The following DENND3 variants were observed in gnomAD, a reference collection of about 807,000 sequenced individuals.
The protein encoded by DENND3 is DENN domain containing 3, also known as DENN domain-containing protein 3.
Under a neutral mutation model 135.1 loss-of-function variants are expected in DENND3, and 88 were observed. The observed-to-expected ratio is 0.65, with a 90% CI of 0.55 to 0.78. The LOEUF (loss-of-function observed/expected upper bound fraction) is 0.78. DENND3 is among the 30% of genes least tolerant of loss of function. The probability of loss-of-function intolerance (pLI) is 0.00; values close to 1 mark genes in which losing one functional copy is unlikely to be tolerated. For synonymous variants in DENND3, 693 were observed against 712.3 expected (o/e 0.97, Z 0.43); for missense variants, 1,392 against 1,688.4 (o/e 0.82, Z 3.08).
Position 141,166,347 on chromosome 8 carries a change from C to A in DENND3, c.1711C>A (p.Leu571Ile). The A allele has an allele frequency of 3.1e-6, 5 of 1,613,402 alleles. No homozygotes were observed. Among genetic ancestry groups the A allele is most frequent in the Non-Finnish European group, 4.2e-6 (5 of 1,180,002 alleles). Reference protein sequence around the residue: ...MPELAPRNSSLRLTDTAGCRG... With the variant: ...MPELAPRNSSIRLTDTAGCRG... ...TGAGCTGGCACCCAGGAACTCCTCGCTCCGGCTGACGGACACCGCAGGCTG... is the reference window on the plus strand; with the variant it reads ...TGAGCTGGCACCCAGGAACTCCTCGATCCGGCTGACGGACACCGCAGGCTG... The change falls in exon 12 of 23, where the codon CTC (leucine) becomes ATC (isoleucine). Residue 571 changes from leucine (L) to isoleucine (I), a missense_variant. Physicochemically the swap from Leu to Ile is conservative, Grantham distance 5. Coordinates refer to ENST00000519811, the MANE Select transcript of DENND3 (RefSeq NM_001352890.3). The surrounding 1 kb of genome is among the most constrained non-coding windows in gnomAD (Gnocchi z 4.3).
At chr8:141,151,072 C>A (rs1366011956) in intron 6 of DENND3, 119 bp downstream of exon 6, 3 of 1,331,900 alleles carry the variant, frequency 2.3e-6, no homozygotes, top group Non-Finnish European at 1.9e-6. Context: ...CTGGTATACT[C>A]GAAATGTTTA....
intron 19 of DENND3, among the ~76,000 whole-genome samples, chr8:141,189,869 C>CGAGAGCTCT (rs1173120201): frequency 1.3e-5 from 2 of 152,198 alleles, no homozygotes; most frequent in Admixed American, 6.5e-5. Context: ...CCATGTCACC[C>CGAGAGCTCT]GAGAGCTCTG....
intron 1 of DENND3, among the ~76,000 whole-genome samples, chr8:141,133,798 A>G (rs1031797059): frequency 1.3e-5 from 2 of 152,012 alleles, no homozygotes; most frequent in Non-Finnish European, 2.9e-5. Flanking sequence ...CACAGGTGGG[A>G]GATCAGGCTT....
Position 141,174,298 on chromosome 8 carries a change from A to G in DENND3, c.2276-902A>G, listed in dbSNP as rs1388360985. Among the ~76,000 whole-genome samples the G allele has an allele frequency of 2.0e-5, 3 of 152,146 alleles. No individual in the cohort carries two copies. The highest frequency in any genetic ancestry group is 7.2e-5 in the African/African-American group (3 of 41,436). ...GAAAAGTGGCTCTGAGTGCCACGCAAAGCAGGCTGTGAGTGCGGGTGGCTC... is the reference window on the plus strand; with the variant it reads ...GAAAAGTGGCTCTGAGTGCCACGCAGAGCAGGCTGTGAGTGCGGGTGGCTC... On this transcript the variant is annotated intron_variant, in intron 13 of 22. Coordinates refer to ENST00000519811, the MANE Select transcript of DENND3 (RefSeq NM_001352890.3). The surrounding 1 kb of genome is among the most constrained non-coding windows in gnomAD (Gnocchi z 4.6).
Position 141,178,097 on chromosome 8 carries a change from AAC to A in DENND3, c.2738_2739del (p.Asn913SerfsTer27). 6.2e-7 allele frequency: 1 copy of A among 1,611,876 alleles called. No homozygotes were observed. The highest frequency in any genetic ancestry group is 8.5e-7 in the Non-Finnish European group (1 of 1,178,086). The stretch of plus-strand genomic sequence containing the variant: ...TCACTACGTCCAGCAGGCGCTGACC[AAC>A]GTCTTGCTGATGGACGCCGTCGTGG... ...DPHYVQQALT[N>X]VLLMDAVVGT... On this transcript the variant is annotated frameshift_variant, in exon 16 of 23. Transcript: ENST00000519811. LOFTEE classifies it high-confidence loss of function.
In DENND3 at chr8:141,166,182, T is replaced by C; in HGVS notation, c.1554-8T>C. 6.2e-7 allele frequency: 1 copy of C among 1,613,910 alleles called. No homozygotes were observed. Among genetic ancestry groups the C allele is most frequent in the Non-Finnish European group, 8.5e-7 (1 of 1,179,896 alleles). The stretch of plus-strand genomic sequence containing the variant: ...TATAAACTAACGCGTTGCTTTTTCG[T>C]ACCCCAGAATAAATGGAATGCTTCT... On this transcript the variant is annotated splice_region_variant and splice_polypyrimidine_tract_variant and intron_variant, in intron 11 of 22. Coordinates refer to ENST00000519811, the MANE Select transcript of DENND3 (RefSeq NM_001352890.3). The surrounding 1 kb of genome is among the most constrained non-coding windows in gnomAD (Gnocchi z 4.3).
intron 15 of DENND3, among the ~76,000 whole-genome samples, 174 bp downstream of exon 15, chr8:141,176,935 T>C (rs1822449141): frequency 6.6e-6 from 1 of 152,214 alleles, no homozygotes; most frequent in Non-Finnish European, 1.5e-5. Context: ...ATGTGGTCTG[T>C]GTGACCCAGC....
chr8:141,165,437 G>A (rs1408624802), intron 11 of DENND3, 148 bp downstream of exon 11: 1 of 577,300 alleles, frequency 1.7e-6, no homozygotes, highest in East Asian at 3.1e-5. Flanking sequence ...CAGCTAGGAA[G>A]CTCTTCTCTC....
chr8:141,164,163 C>T (rs1820481015), intron 10 of DENND3, among the ~76,000 whole-genome samples: 1 of 152,198 alleles, frequency 6.6e-6, no homozygotes. Context: ...GTCTGCCTCT[C>T]TCCCTCAGCC....
rs972369442 is a variant in DENND3 at position 141,139,168 on chromosome 8, G to A, written c.501+1031G>A. On this transcript the variant is annotated intron_variant, in intron 3 of 22. Transcript: ENST00000519811. This position sits in a 1 kb window ranked among gnomAD's most constrained non-coding sequence, Gnocchi z 4.2. Reference sequence around the variant, plus strand: ...CCTGGTGCCATGAAGGGAAGTCTGTGAGTTCCATGCAGTCGAGAGAAATGG... The same window carrying A: ...CCTGGTGCCATGAAGGGAAGTCTGTAAGTTCCATGCAGTCGAGAGAAATGG... Among the ~76,000 whole-genome samples, 2 of 152,170 alleles carry A rather than the reference G, an allele frequency of 1.3e-5. No individual in the cohort carries two copies. Among genetic ancestry groups the A allele is most frequent in the Admixed American group, 6.5e-5 (1 of 15,282 alleles).
Position 141,168,516 on chromosome 8 carries a change from T to C in DENND3, c.2266T>C (p.Leu756=). 6.2e-7 allele frequency: 1 copy of C among 1,606,418 alleles called. No individual in the cohort carries two copies. The highest frequency in any genetic ancestry group is 8.5e-7 in the Non-Finnish European group (1 of 1,174,694). Residue 756 remains leucine, a synonymous_variant, in exon 13 of 23, where the codon TTG becomes CTG. Transcript: ENST00000519811. This position sits in a 1 kb window ranked among gnomAD's most constrained non-coding sequence, Gnocchi z 6.2. The part of the protein sequence containing the change: ...ASIIHRLFEA[L]TVGQEKQIDP... ...CATCATACACCGGCTGTTCGAGGCCTTGACTGTAGGTAAGAGGAGGCCTGG... is the reference window on the plus strand; with the variant it reads ...CATCATACACCGGCTGTTCGAGGCCCTGACTGTAGGTAAGAGGAGGCCTGG...
Position 141,141,342 on chromosome 8 carries a change from G to T in DENND3, c.623+18G>T. The T allele has an allele frequency of 6.2e-7, 1 of 1,612,692 alleles. No homozygotes were observed. ...CTTTCCTGGTGAGCTGGGGCACCGG[G>T]GGCCAGGGGTGGTAGGGGGCAGCTC... On this transcript the variant is annotated intron_variant, in intron 4 of 22. Transcript: ENST00000519811. This position sits in a 1 kb window ranked among gnomAD's most constrained non-coding sequence, Gnocchi z 5.3.
In DENND3 at chr8:141,186,412, G is replaced by A. The variant is rs111339996; in HGVS notation, c.3084+1134G>A. On this transcript the variant is annotated intron_variant, in intron 18 of 22. Coordinates refer to ENST00000519811, the MANE Select transcript of DENND3 (RefSeq NM_001352890.3). ...CGTCACACATTATTCCTCTCACTTAGAGCAAGCTTGTCCAACCTGTGGCCT... is the reference window on the plus strand; with the variant it reads ...CGTCACACATTATTCCTCTCACTTAAAGCAAGCTTGTCCAACCTGTGGCCT... Among the ~76,000 whole-genome samples, 815 of 152,320 alleles carry A rather than the reference G, an allele frequency of 5.4e-3. 5 individuals are homozygous for A. Among genetic ancestry groups the A allele is most frequent in the African/African-American group, 0.019 (787 of 41,572 alleles).
chr8:141,189,725 C>T (rs978280003), intron 19 of DENND3, among the ~76,000 whole-genome samples: 5 of 152,198 alleles, frequency 3.3e-5, no homozygotes, highest in Non-Finnish European at 2.9e-5. Flanking sequence ...GTCGGGGGCG[C>T]CTGTGTCAGG....
At position 141,141,232 on chromosome 8, in the gene DENND3, G is replaced by A. The variant is rs574524079; in HGVS notation, c.531G>A (p.Thr177=). ...HDEYCFYNGK[T]HRECPGCFVP... is the part of the protein sequence containing the mutation. Reference sequence around the variant, plus strand: ...AGTACTGTTTCTACAATGGCAAAACGCACCGGGAGTGTCCTGGCTGCTTCG... The same window carrying A: ...AGTACTGTTTCTACAATGGCAAAACACACCGGGAGTGTCCTGGCTGCTTCG... Residue 177 remains threonine, a synonymous_variant, in exon 4 of 23, where the codon ACG becomes ACA. Coordinates refer to ENST00000519811, the MANE Select transcript of DENND3 (RefSeq NM_001352890.3). The surrounding 1 kb of genome is among the most constrained non-coding windows in gnomAD (Gnocchi z 5.3). 16 of 1,614,190 alleles carry A rather than the reference G, an allele frequency of 9.9e-6. No individual in the cohort carries two copies. In the South Asian group the frequency reaches 1.4e-4, roughly 14 times the overall value.
intron 20 of DENND3, chr8:141,190,659 G>A: frequency 2.0e-6 from 1 of 512,328 alleles, no homozygotes; most frequent in Non-Finnish European, 3.3e-6. Flanking sequence ...GTCTTGCCTG[G>A]ACGCACCACT....
rs370370780 is a variant in DENND3 at position 141,134,964 on chromosome 8, G to A, written c.103-1545G>A. On this transcript the variant is annotated intron_variant, in intron 1 of 22. Coordinates refer to ENST00000519811, the MANE Select transcript of DENND3 (RefSeq NM_001352890.3). ...TCCTGCCTCAGCCCCCCGCCCGGCC[G>A]AGTAGCTGGGACTGCAGGCATGCGC... Among the ~76,000 whole-genome samples the A allele has an allele frequency of 3.0e-4, 46 of 152,104 alleles. No homozygotes were observed. In the South Asian group the frequency reaches 8.5e-3, roughly 28 times the overall value.
chr8:141,162,572 T>A (rs1257867303), intron 9 of DENND3, among the ~76,000 whole-genome samples: 2 of 152,228 alleles, frequency 1.3e-5, no homozygotes, highest in Non-Finnish European at 2.9e-5. Context: ...ATTTATATAT[T>A]ACTTTAGATC....
chr8:141,132,935 A>G (rs997014221), intron 1 of DENND3, among the ~76,000 whole-genome samples: 5 of 152,236 alleles, frequency 3.3e-5, no homozygotes, highest in Non-Finnish European at 7.3e-5. Flanking sequence ...CGCCTCAGTC[A>G]TCTTCTCTGC....
Sources: gnomAD v4.1 joint callset for allele counts (sites outside exome capture counted in the v4.1 genomes callset) on GRCh38, gnomAD v4.1.1 for gene constraint, Gnocchi (gnomAD v3.1) non-coding constraint, MANE v1.5 for transcripts, NCBI Gene and HGNC (gene_info 2026-07-23, HGNC 2026-07-21) for gene names.